The following SNTB2 variants were observed in gnomAD, a reference collection of about 807,000 sequenced individuals.
SNTB2 encodes the protein syntrophin beta 2, also known as beta-2-syntrophin.
SNTB2 carries 34 observed loss-of-function variants against 46.2 expected under a neutral mutation model. The observed-to-expected ratio is 0.74, with a 90% CI of 0.56 to 0.98. The LOEUF (loss-of-function observed/expected upper bound fraction) is 0.98. Among genes scored for constraint, SNTB2 ranks in the 50% least tolerant of loss-of-function variants. The pLI is 0.00. For synonymous variants in SNTB2, 290 were observed against 312.6 expected (o/e 0.93, Z 0.76); for missense variants, 603 against 731.4 (o/e 0.82, Z 2.02).
At position 69,308,994 on chromosome 16, in the gene SNTB2, A is replaced by G. The variant is rs1330336112; in HGVS notation, c.*8070A>G. On this transcript the variant is annotated 3_prime_UTR_variant, in exon 7 of 7. Transcript: ENST00000336278. ...TGTGTAACTTAAGGGTATTATATAT[A>G]TAAATACATATATACCTTTGTAACC... is the stretch of plus-strand genomic sequence containing the variant. The G allele has an allele frequency of 6.6e-6, 1 of 152,538 alleles. No individual in the cohort carries two copies. The highest frequency in any genetic ancestry group is 1.5e-5 in the Non-Finnish European group (1 of 68,028). 9.4% of individuals were successfully genotyped at this position (152,538 alleles called of 1,614,324 possible). A position where few individuals can be genotyped will look rare whatever the true frequency, so the allele number is the denominator to read the frequency against.
At position 69,187,569 on chromosome 16, in the gene SNTB2, G is replaced by C; in HGVS notation, c.403G>C (p.Glu135Gln). ...GLGISIKGGR[E>Q]NRMPILISKI... ...GGGCATCAGCATCAAGGGCGGCCGC[G>C]AGAACCGGATGCCGATCCTCATCTC... Residue 135 changes from glutamate (E) to glutamine (Q), a missense_variant, in exon 1 of 7, where the codon GAG (glutamate) becomes CAG (glutamine). Physicochemically the swap from Glu to Gln is conservative, Grantham distance 29. This residue lies in a region of SNTB2 where 537 missense variants were observed against 692.4 expected (regional missense o/e 0.78). Coordinates refer to ENST00000336278, the MANE Select transcript of SNTB2 (RefSeq NM_006750.4). 1 of 1,518,294 alleles carries C rather than the reference G, an allele frequency of 6.6e-7. No homozygotes were observed. 94.1% of individuals were successfully genotyped at this position (1,518,294 alleles called of 1,614,324 possible).
chr16:69,230,426 A>G (rs1439886434), intron 1 of SNTB2: 1 of 151,718 alleles, frequency 6.6e-6, no homozygotes, highest in East Asian at 1.9e-4. Context: ...CAACGGCGCA[A>G]TCTCGGCTGA....
chr16:69,261,271 C>T (rs1035764422), intron 3 of SNTB2, among the ~76,000 whole-genome samples: 1 of 151,388 alleles, frequency 6.6e-6, no homozygotes, highest in African/African-American at 2.4e-5. Flanking sequence ...AGTACAGTTT[C>T]CCACTGGTTC....
rs112518410 is a variant in SNTB2, at chr16:69,246,105, C to G, written c.794+290C>G. Among the ~76,000 whole-genome samples, 954 of 152,204 alleles carry G rather than the reference C, an allele frequency of 6.3e-3. 12 individuals are homozygous for G. The highest frequency in any genetic ancestry group is 0.02 in the African/African-American group (850 of 41,544). ...GGGGCATCTTTTCTTCCTTTTATGTCTTTCTGTAATGTTGTTATTACTTTT... is the reference window on the plus strand; with the variant it reads ...GGGGCATCTTTTCTTCCTTTTATGTGTTTCTGTAATGTTGTTATTACTTTT... On this transcript the variant is annotated intron_variant, in intron 2 of 6. Transcript: ENST00000336278.
intron 1 of SNTB2, among the ~76,000 whole-genome samples, chr16:69,235,099 C>CAA (rs1395468932): frequency 2.9e-4 from 44 of 152,050 alleles, no homozygotes; most frequent in Non-Finnish European, 3.7e-4. Flanking sequence ...CAGCCTCTGT[C>CAA]GCCTGGTTTC....
intron 2 of SNTB2, among the ~76,000 whole-genome samples, chr16:69,253,389 C>T (rs975748848): frequency 6.6e-6 from 1 of 151,880 alleles, no homozygotes. Flanking sequence ...GTGCCTCACA[C>T]CTGTAATCCC....
intron 3 of SNTB2, among the ~76,000 whole-genome samples, chr16:69,265,209 A>G (rs1199596000): frequency 2.0e-5 from 3 of 152,170 alleles, no homozygotes; most frequent in South Asian, 2.1e-4. Flanking sequence ...AGATCGCGCC[A>G]CTGCACTCCA....
intron 1 of SNTB2, among the ~76,000 whole-genome samples, chr16:69,193,425 T>C (rs1964073710): frequency 6.8e-6 from 1 of 146,256 alleles, no homozygotes; most frequent in Non-Finnish European, 1.5e-5. Context: ...GCCTCCTGGG[T>C]TCAAGAAATT....
In SNTB2 at chr16:69,301,517, G is replaced by C. The variant is rs1965277446; in HGVS notation, c.*593G>C. The C allele has an allele frequency of 6.5e-6, 1 of 152,906 alleles. No individual in the cohort carries two copies. The highest frequency in any genetic ancestry group is 2.4e-5 in the African/African-American group (1 of 41,434). 9.5% of individuals were successfully genotyped at this position (152,906 alleles called of 1,614,324 possible). ...CTGGATCTCCCTCTATCTCAGCCTG[G>C]CCATCACTTCCCACCTTATCCCAAG... On this transcript the variant is annotated 3_prime_UTR_variant, in exon 7 of 7. Transcript: ENST00000336278.
rs180851406 is a variant in SNTB2 at position 69,190,005 on chromosome 16, A to G, written c.580+2259A>G. ...TCTTATAAGTAGTGAGGAAGTCAAT[A>G]TAGTAGATTTACGACATTGCATTTT... On this transcript the variant is annotated intron_variant, in intron 1 of 6. Coordinates refer to ENST00000336278, the MANE Select transcript of SNTB2 (RefSeq NM_006750.4). 8.9e-4 allele frequency among the ~76,000 whole-genome samples: 136 copies of G among 152,366 alleles called. 1 individual carries two copies. The highest frequency in any genetic ancestry group is 3.2e-4 in the Non-Finnish European group (22 of 68,040).
intron 1 of SNTB2, among the ~76,000 whole-genome samples, chr16:69,229,621 C>T (rs749201879): frequency 3.3e-5 from 5 of 150,556 alleles, no homozygotes; most frequent in Admixed American, 2.6e-4. Context: ...GGGCGGATCA[C>T]GAGGTCAAGA....
At chr16:69,202,277 C>CTCTTTTTTGAGATAGGGTTTCA (rs1964170061) in intron 1 of SNTB2, among the ~76,000 whole-genome samples, 12 of 152,274 alleles carry the variant, frequency 7.9e-5, no homozygotes, top group African/African-American at 2.2e-4. Context: ...AGGAGTAACT[C>CTCTTTTTTGAGATAGGGTTTCA]CTCACATGTC....
chr16:69,269,056 C>A (rs1241657017), intron 3 of SNTB2, among the ~76,000 whole-genome samples: 1 of 151,764 alleles, frequency 6.6e-6, no homozygotes, highest in East Asian at 1.9e-4. Flanking sequence ...ATAATCCCAG[C>A]TACTCGGGAG....
At chr16:69,296,911 G>C (rs1388503243) in intron 5 of SNTB2, among the ~76,000 whole-genome samples, 1 of 151,710 alleles carries the variant, frequency 6.6e-6, no homozygotes, top group Non-Finnish European at 1.5e-5. Flanking sequence ...GGGAGGCTGA[G>C]GCATAAGAAT....
At chr16:69,226,800 G>A (rs1030510113) in intron 1 of SNTB2, among the ~76,000 whole-genome samples, 28 of 152,312 alleles carry the variant, frequency 1.8e-4, no homozygotes, top group African/African-American at 5.8e-4. Flanking sequence ...CAAAATGCTG[G>A]GATTACAGGT....
intron 2 of SNTB2, among the ~76,000 whole-genome samples, chr16:69,247,732 T>TA (rs1022990004): frequency 4.6e-5 from 7 of 152,208 alleles, no homozygotes; most frequent in Non-Finnish European, 2.9e-5. Context: ...TAATGGTACT[T>TA]AGTGTGCAGA....
intron 3 of SNTB2, 33 bp downstream of exon 3, chr16:69,260,293 G>C: frequency 6.3e-7 from 1 of 1,598,050 alleles, no homozygotes; most frequent in Non-Finnish European, 8.6e-7. Flanking sequence ...GTATCACCTG[G>C]TTCCCATTCA....
chr16:69,245,678 C>T lies in SNTB2; in HGVS notation c.657C>T (p.Ala219=), dbSNP rs374373456. 3.0e-5 allele frequency: 48 copies of T among 1,613,866 alleles called. No homozygotes were observed. Among genetic ancestry groups the T allele is most frequent in the Non-Finnish European group, 4.0e-5 (47 of 1,180,014 alleles). ...LVSDLPWEGA[A]PQSPSFSGSE... ...CAGATCTGCCGTGGGAAGGTGCAGC[C>T]CCCCAGTCACCAAGCTTTAGTGGCA... The change falls in exon 2 of 7, where the codon GCC becomes GCT. Residue 219 remains alanine (A), a synonymous_variant. Coordinates refer to ENST00000336278, the MANE Select transcript of SNTB2 (RefSeq NM_006750.4).
chr16:69,270,444 A>T (rs1172180284), intron 4 of SNTB2, among the ~76,000 whole-genome samples, 159 bp downstream of exon 4: 13 of 152,226 alleles, frequency 8.5e-5, no homozygotes, highest in Admixed American at 8.5e-4. Flanking sequence ...AACCTTATTG[A>T]TAATTTTGCA....
Sources: gnomAD v4.1 joint callset for allele counts (sites outside exome capture counted in the v4.1 genomes callset) on GRCh38, gnomAD v4.1.1 for gene constraint, gnomAD v4.1.1 regional missense constraint, MANE v1.5 for transcripts, NCBI Gene and HGNC (gene_info 2026-07-23, HGNC 2026-07-21) for gene names.